CACNB2: variants seen among roughly 807,000 people sequenced by gnomAD.
CACNB2 encodes voltage-dependent L-type calcium channel subunit beta-2.
A neutral mutation model predicts 73.3 loss-of-function variants in CACNB2; 42 were observed. The observed-to-expected ratio is 0.57, with a 90% confidence interval of 0.45 to 0.74. CACNB2 has a LOEUF of 0.74. Ranked by LOEUF, CACNB2 falls within the 30% of genes least tolerant of loss-of-function variation. The pLI, the probability that CACNB2 is intolerant of heterozygous loss-of-function variation, is 0.00. For missense variants in CACNB2, 940 were observed against 853.0 expected, an observed-to-expected ratio of 1.10 and a Z score of -1.27; for synonymous variants, 348 against 310.3, an observed-to-expected ratio of 1.12 and a Z score of -1.28.
At chr10:18,369,514 C>T (rs1319232990) in intron 2 of CACNB2, among the ~76,000 whole-genome samples, 1 of 152,050 alleles carries the variant, frequency 6.6e-6, no homozygotes, top group African/African-American at 2.4e-5. Flanking sequence ...CAATAAGAAA[C>T]ATAAAAATAG....
intron 13 of CACNB2, 112 bp downstream of exon 13, chr10:18,538,477 T>TA (rs768380437): frequency 2.4e-5 from 21 of 888,002 alleles, no homozygotes; most frequent in Non-Finnish European, 3.5e-5. Flanking sequence ...CTTGTTCTAG[T>TA]ATATTAACTC....
intron 3 of CACNB2, among the ~76,000 whole-genome samples, chr10:18,434,854 G>C (rs1333320566): frequency 6.6e-6 from 1 of 152,218 alleles, no homozygotes; most frequent in South Asian, 2.1e-4. Context: ...AGTCATCACA[G>C]GTCGTGTAAG....
In CACNB2 at chr10:18,150,970, C is replaced by A. The variant is rs760538597; in HGVS notation, c.208C>A (p.Arg70Ser). The change falls in exon 2 of 14, where the codon CGC becomes AGC. Residue 70 changes from arginine (R) to serine (S), a missense_variant. Physicochemically the swap from Arg to Ser is moderately radical, Grantham distance 110 (BLOSUM62 -1). Coordinates refer to ENST00000324631, the MANE Select transcript of CACNB2 (RefSeq NM_201596.3). ...TGATACTACCTCAAATAGTTTTGTTCGCCAGGTAAGAGTTTTAAGTTCATG... is the reference window on the plus strand; with the variant it reads ...TGATACTACCTCAAATAGTTTTGTTAGCCAGGTAAGAGTTTTAAGTTCATG... ...SSDTTSNSFV[R>S]QGSADSYTSR... The A allele has an allele frequency of 6.4e-7, 1 of 1,562,378 alleles. No individual in the cohort carries two copies.
At chr10:18,476,054 TTA>T (rs1443793231) in intron 3 of CACNB2, among the ~76,000 whole-genome samples, 1 of 152,218 alleles carries the variant, frequency 6.6e-6, no homozygotes, top group Non-Finnish European at 1.5e-5. Flanking sequence ...CTGAATATAC[TTA>T]TAGTTATTTC....
chr10:18,535,919 C>CT (rs1223722563), intron 11 of CACNB2, among the ~76,000 whole-genome samples, 182 bp from the exon 12 acceptor site: 1 of 151,974 alleles, frequency 6.6e-6, no homozygotes, highest in African/African-American at 2.4e-5. Context: ...AATGTGAGTG[C>CT]TTAAAGCTTG....
intron 2 of CACNB2, among the ~76,000 whole-genome samples, chr10:18,318,673 C>A (rs2040284238): frequency 2.0e-5 from 3 of 152,108 alleles, no homozygotes; most frequent in African/African-American, 7.2e-5. Context: ...AGGTAACCTA[C>A]AGAATAGGAG....
intron 3 of CACNB2, among the ~76,000 whole-genome samples, chr10:18,471,059 C>T (rs12763530): frequency 5.3e-5 from 8 of 152,190 alleles, no homozygotes; most frequent in Non-Finnish European, 1.2e-4. Flanking sequence ...AATCCCAGAG[C>T]TTTGGGAGGC....
At chr10:18,293,005 G>A (rs74117946) in intron 2 of CACNB2, among the ~76,000 whole-genome samples, 113 of 152,152 alleles carry the variant, frequency 7.4e-4, no homozygotes, top group African/African-American at 2.7e-3. Flanking sequence ...AAGAGATAAC[G>A]TTTACTACCT....
intron 10 of CACNB2, chr10:18,531,807 T>C (rs1307891166): frequency 6.6e-6 from 1 of 151,230 alleles, no homozygotes; most frequent in African/African-American, 2.4e-5. Flanking sequence ...ATTGTTCCTG[T>C]TGTTGTTTAT....
chr10:18,224,395 G>A lies in CACNB2; in HGVS notation c.213+73420G>A, dbSNP rs568477822. On this transcript the variant is annotated intron_variant, in intron 2 of 13. Transcript: ENST00000324631. ...CTCAAAGCTCAGCTGATATGAAATC[G>A]ATTTTGGGAAGTGAGTTTCATACAA... The A allele has an allele frequency of 6.6e-5, 10 of 150,400 alleles. No homozygotes were observed. The South Asian group carries it at 2.1e-3, about 32-fold the overall frequency. 9.3% of individuals were successfully genotyped at this position (150,400 alleles called of 1,614,324 possible).
chr10:18,286,114 A>G (rs1422410428), intron 2 of CACNB2, among the ~76,000 whole-genome samples: 2 of 152,240 alleles, frequency 1.3e-5, no homozygotes, highest in Non-Finnish European at 2.9e-5. Context: ...AATAAACATA[A>G]TCATTTTCTA....
At chr10:18,358,014 T>A (rs923343300) in intron 2 of CACNB2, among the ~76,000 whole-genome samples, 4 of 152,194 alleles carry the variant, frequency 2.6e-5, no homozygotes, top group African/African-American at 9.6e-5. Context: ...GCATGGCAAA[T>A]ATTTAAAGAA....
intron 7 of CACNB2, among the ~76,000 whole-genome samples, 158 bp from the exon 8 acceptor site, chr10:18,518,178 T>G (rs984617885): frequency 1.3e-5 from 2 of 152,164 alleles, no homozygotes; most frequent in African/African-American, 4.8e-5. Context: ...CCCACCAATC[T>G]TTGACTGGGT....
At chr10:18,292,746 A>G (rs1486833923) in intron 2 of CACNB2, among the ~76,000 whole-genome samples, 3 of 152,202 alleles carry the variant, frequency 2.0e-5, no homozygotes, top group African/African-American at 7.2e-5. Context: ...AACGAGAACA[A>G]TCTGTAAACT....
At chr10:18,396,908 G>A (rs748057291) in intron 2 of CACNB2, among the ~76,000 whole-genome samples, 4 of 152,218 alleles carry the variant, frequency 2.6e-5, no homozygotes, top group Admixed American at 6.5e-5. Flanking sequence ...TCTAGAATCA[G>A]ACTGGCCTTT....
chr10:18,372,419 T>A (rs1038202510), intron 2 of CACNB2, among the ~76,000 whole-genome samples: 1 of 152,226 alleles, frequency 6.6e-6, no homozygotes, highest in African/African-American at 2.4e-5. Context: ...TTTTTACTTT[T>A]ATTTTGAGAT....
rs2038281500 is a variant in CACNB2 at position 18,276,239 on chromosome 10, G to A, written c.213+125264G>A. On this transcript the variant is annotated intron_variant, in intron 2 of 13. Coordinates refer to ENST00000324631, the MANE Select transcript of CACNB2 (RefSeq NM_201596.3). ...AAAGAGTGAAACCAGAATAAGCAAC[G>A]TTAAGAAGTGGATGATCAGGCCAAT... is the stretch of plus-strand genomic sequence containing the variant. 2.0e-5 allele frequency among the ~76,000 whole-genome samples: 3 copies of A among 152,136 alleles called. No homozygotes were observed. The South Asian group carries it at 6.2e-4, about 31-fold the overall frequency.
rs1169230473 is a variant in CACNB2, at chr10:18,539,330, A to C, written c.1589A>C (p.His530Pro). 3 of 1,613,790 alleles carry C rather than the reference A, an allele frequency of 1.9e-6. No homozygotes were observed. In the African/African-American group the frequency reaches 4.0e-5, roughly 22 times the overall value. Residue 530 changes from histidine to proline, a missense_variant, in exon 14 of 14, where the codon CAC becomes CCC. His to Pro is a moderately conservative substitution (Grantham distance 77). Transcript: ENST00000324631. ...PSVEPVKKSQ[H>P]RSSSSAPHHN... The stretch of plus-strand genomic sequence containing the variant: ...GTGGAACCAGTCAAGAAATCCCAGC[A>C]CCGCTCTTCCTCCTCAGCCCCACAC...
chr10:18,263,708 C>G (rs1009148970), intron 2 of CACNB2, among the ~76,000 whole-genome samples: 16 of 152,180 alleles, frequency 1.1e-4, no homozygotes, highest in African/African-American at 3.9e-4. Flanking sequence ...TGCCATAGTT[C>G]TTTATTTCTA....
Sources: gnomAD v4.1 joint callset for allele counts (sites outside exome capture counted in the v4.1 genomes callset) on GRCh38, gnomAD v4.1.1 for gene constraint, MANE v1.5 for transcripts, NCBI Gene and HGNC (gene_info 2026-07-23, HGNC 2026-07-21) for gene names.